SNTA1: variants seen among roughly 807,000 people sequenced by gnomAD.
SNTA1 encodes the protein alpha-1-syntrophin.
A neutral mutation model predicts 47.1 loss-of-function variants in SNTA1; 31 were observed. The ratio of observed to expected loss-of-function variants is 0.66; its 90% CI spans 0.49 to 0.89. The LOEUF (loss-of-function observed/expected upper bound fraction) is 0.89. Ranked by LOEUF, SNTA1 falls within the 40% of genes least tolerant of loss-of-function variation. The pLI is 0.00. For missense variants in SNTA1, 575 were observed against 693.0 expected, an observed-to-expected ratio of 0.83 and a Z score of 1.91; for synonymous variants, 300 against 313.6, an observed-to-expected ratio of 0.96 and a Z score of 0.46.
chr20:33,436,503 T>G (rs1473738957), intron 2 of SNTA1, among the ~76,000 whole-genome samples: 1 of 152,124 alleles, frequency 6.6e-6, no homozygotes, highest in Non-Finnish European at 1.5e-5. Context: ...ACACTTAAGC[T>G]TCTAAGGATC....
chr20:33,418,257 CTTT>C (rs34434208), intron 2 of SNTA1, among the ~76,000 whole-genome samples: 11 of 129,706 alleles, frequency 8.5e-5, no homozygotes, highest in Admixed American at 1.6e-4. Context: ...GGCCATGTGA[CTTT>C]TTTTTTTTTT....
chr20:33,410,155 C>A lies in SNTA1; in HGVS notation c.1217G>T (p.Gly406Val), dbSNP rs1390172830. 2 of 1,614,128 alleles carry A rather than the reference C, an allele frequency of 1.2e-6. No homozygotes were observed. Among genetic ancestry groups the A allele is most frequent in the African/African-American group, 2.7e-5 (2 of 74,958 alleles). ...CACACCTGTAGACACCTCCTGCACACCCTCGGCGGCCCGGTGACAGCCATC... is the reference window on the plus strand; with the variant it reads ...CACACCTGTAGACACCTCCTGCACAACCTCGGCGGCCCGGTGACAGCCATC... Reference protein sequence around the residue: ...LVDGCHRAAEGVQEVSTACTW... With the variant: ...LVDGCHRAAEVVQEVSTACTW... Residue 406 changes from glycine (G) to valine (V), a missense_variant, in exon 6 of 8, where the codon GGT (glycine) becomes GTT (valine). Physicochemically the swap from Gly to Val is moderately radical, Grantham distance 109. Coordinates refer to ENST00000217381, the MANE Select transcript of SNTA1 (RefSeq NM_003098.3).
At chr20:33,416,825 C>G (rs2146771193) in intron 3 of SNTA1, among the ~76,000 whole-genome samples, 1 of 151,602 alleles carries the variant, frequency 6.6e-6, no homozygotes, top group Non-Finnish European at 1.5e-5. Context: ...CCCGTAATCC[C>G]AGCTACTTGG....
intron 2 of SNTA1, among the ~76,000 whole-genome samples, chr20:33,433,228 C>T (rs1370852426): frequency 6.6e-6 from 1 of 151,498 alleles, no homozygotes; most frequent in Non-Finnish European, 1.5e-5. Flanking sequence ...CCTTGCCTGG[C>T]CTTAGTATTA....
Position 33,408,868 on chromosome 20 carries a change from G to A in SNTA1, c.1258C>T (p.Pro420Ser), listed in dbSNP as rs764137450. ...TCGATGTGCACAGACAGGCTGCAGG[G>A]ACGCCCATTCCACGTGCAGGCTGCA... Reference protein sequence around the residue: ...VSTACTWNGRPCSLSVHIDKG... With the variant: ...VSTACTWNGRSCSLSVHIDKG... Residue 420 changes from proline to serine, a missense_variant, in exon 7 of 8, where the codon CCC becomes TCC. Pro to Ser is a moderately conservative substitution (Grantham distance 74). Transcript: ENST00000217381. The A allele has an allele frequency of 5.0e-6, 8 of 1,614,124 alleles. No homozygotes were observed. Among genetic ancestry groups the A allele is most frequent in the East Asian group, 2.2e-5 (1 of 44,876 alleles).
chr20:33,408,625 C>G, intron 7 of SNTA1, 26 bp from the exon 8 acceptor site: 1 of 1,612,308 alleles, frequency 6.2e-7, no homozygotes, highest in Non-Finnish European at 8.5e-7. Flanking sequence ...AGAGAAGAGT[C>G]AGGGCCCTGG....
rs1989778603 is a variant in SNTA1, at chr20:33,412,796, T to C, written c.702-14A>G. On this transcript the variant is annotated splice_polypyrimidine_tract_variant and intron_variant, in intron 3 of 7. Transcript: ENST00000217381. ...ATCTCCAGATACCTGCAGGCACAAATGGGTGGAGACAAGGACCTGACCATT... is the reference window on the plus strand; with the variant it reads ...ATCTCCAGATACCTGCAGGCACAAACGGGTGGAGACAAGGACCTGACCATT... The C allele has an allele frequency of 2.5e-6, 4 of 1,583,952 alleles. No homozygotes were observed. The highest frequency in any genetic ancestry group is 4.5e-5 in the East Asian group (2 of 43,970).
chr20:33,441,913 T>C (rs1990587753), intron 1 of SNTA1, among the ~76,000 whole-genome samples: 1 of 152,162 alleles, frequency 6.6e-6, no homozygotes, highest in African/African-American at 2.4e-5. Context: ...GTAAGACTGG[T>C]GCCCATACCC....
intron 2 of SNTA1, among the ~76,000 whole-genome samples, chr20:33,436,826 C>A (rs548612172): frequency 8.0e-5 from 12 of 150,016 alleles, no homozygotes; most frequent in Non-Finnish European, 1.3e-4. Context: ...ATTAGCCAGG[C>A]GTGGTAGTGC....
chr20:33,416,412 C>T (rs900406669), intron 3 of SNTA1, among the ~76,000 whole-genome samples: 12 of 152,234 alleles, frequency 7.9e-5, no homozygotes, highest in African/African-American at 2.9e-4. Context: ...GTATCTTGCA[C>T]CTTCCAAAGC....
intron 2 of SNTA1, among the ~76,000 whole-genome samples, chr20:33,435,140 G>A (rs562852427): frequency 6.6e-6 from 1 of 151,188 alleles, no homozygotes; most frequent in African/African-American, 2.4e-5. Context: ...ACAGGCACGC[G>A]CCACCATGGC....
intron 5 of SNTA1, among the ~76,000 whole-genome samples, chr20:33,412,082 C>T (rs548702078): frequency 7.9e-5 from 12 of 152,314 alleles, no homozygotes; most frequent in South Asian, 2.1e-4. Flanking sequence ...TAAGTGTCAG[C>T]GAATGAGTGG....
chr20:33,413,473 T>C (rs1258962579), intron 3 of SNTA1, among the ~76,000 whole-genome samples: 2 of 151,672 alleles, frequency 1.3e-5, no homozygotes, highest in African/African-American at 2.4e-5. Flanking sequence ...CACTGAAACA[T>C]GCATGATGGT....
intron 3 of SNTA1, among the ~76,000 whole-genome samples, chr20:33,414,328 C>A (rs1477397972): frequency 1.3e-5 from 2 of 149,896 alleles, no homozygotes; most frequent in Non-Finnish European, 3.0e-5. Flanking sequence ...CATGGTGGCT[C>A]ACACCTGTAA....
chr20:33,420,886 A>G (rs556303596), intron 2 of SNTA1, among the ~76,000 whole-genome samples: 80 of 152,030 alleles, frequency 5.3e-4, no homozygotes, highest in African/African-American at 1.8e-3. Flanking sequence ...TGGGAGGCTG[A>G]GGCAGGAGAA....
At chr20:33,409,237 A>T (rs917580410) in intron 6 of SNTA1, among the ~76,000 whole-genome samples, 18 of 152,106 alleles carry the variant, frequency 1.2e-4, no homozygotes, top group African/African-American at 4.1e-4. Flanking sequence ...TCAGATAAAC[A>T]ATGACTAATT....
In SNTA1 at chr20:33,443,633, GC is replaced by G. The variant is rs1381397781; in HGVS notation, c.-14del. 1.2e-5 allele frequency: 15 copies of G among 1,203,958 alleles called. No individual in the cohort carries two copies. The highest frequency in any genetic ancestry group is 1.2e-4 in the South Asian group (4 of 32,874). 74.6% of individuals were successfully genotyped at this position (1,203,958 alleles called of 1,614,324 possible). On this transcript the variant is annotated 5_prime_UTR_variant, in exon 1 of 8. Transcript: ENST00000217381. ...TGCCGGACGCCATCTTCGCCTCCGA[GC>G]CCCCGGGCCGCCGCGCTCGCCCTGT...
At chr20:33,421,051 T>G (rs1990006584) in intron 2 of SNTA1, among the ~76,000 whole-genome samples, 1 of 151,550 alleles carries the variant, frequency 6.6e-6, no homozygotes, top group African/African-American at 2.4e-5. Flanking sequence ...CACATGCCTG[T>G]GATTCCAGCT....
intron 2 of SNTA1, among the ~76,000 whole-genome samples, chr20:33,436,909 T>C: frequency 7.1e-6 from 1 of 141,500 alleles, no homozygotes; most frequent in Admixed American, 7.9e-5. Flanking sequence ...GAGGATGCAG[T>C]GAGCCAAGAT....
Sources: allele counts gnomAD v4.1 joint callset (sites outside exome capture counted in the v4.1 genomes callset), GRCh38; gene constraint gnomAD v4.1.1; transcripts MANE v1.5; gene names NCBI Gene and HGNC (gene_info 2026-07-23, HGNC 2026-07-21).